SEMA3D: variants seen among roughly 807,000 people sequenced by gnomAD.
SEMA3D encodes semaphorin 3D, also known as semaphorin-3D.
Under a neutral mutation model 100.1 loss-of-function variants are expected in SEMA3D, and 84 were observed. The ratio of observed to expected loss-of-function variants is 0.84; its 90% CI spans 0.70 to 1.01. The LOEUF (loss-of-function observed/expected upper bound fraction) is 1.01, where lower values mean the gene tolerates loss of function less well. SEMA3D is among the 50% of genes least tolerant of loss of function. The pLI, the probability that SEMA3D is intolerant of heterozygous loss-of-function variation, is 0.00. For missense variants in SEMA3D, 875 were observed against 934.1 expected (o/e 0.94, Z 0.82); for synonymous variants, 312 against 320.7 (o/e 0.97, Z 0.29).
rs961644510 is a variant in SEMA3D at position 85,104,457 on chromosome 7, G to A, written c.152-6492C>T. Among the ~76,000 whole-genome samples the A allele has an allele frequency of 1.6e-4, 25 of 152,136 alleles. 1 individual carries two copies. Among genetic ancestry groups the A allele is most frequent in the Admixed American group, 1.2e-3 (18 of 15,252 alleles). Reference sequence around the variant, plus strand: ...ATTTAAGGGGAAGGATAAGGATTAGGTAATCTCTGCTCTTATTTGAAATAG... The same window carrying A: ...ATTTAAGGGGAAGGATAAGGATTAGATAATCTCTGCTCTTATTTGAAATAG... On this transcript the variant is annotated intron_variant, in intron 3 of 18. Transcript: ENST00000284136.
At chr7:85,006,230 T>G (rs1006743605) in intron 18 of SEMA3D, among the ~76,000 whole-genome samples, 1 of 151,984 alleles carries the variant, frequency 6.6e-6, no homozygotes, top group African/African-American at 2.4e-5. Context: ...CTTAGAAAAT[T>G]GGGGGCTCAG....
chr7:85,047,202 C>T (rs1432119281), intron 9 of SEMA3D, among the ~76,000 whole-genome samples: 1 of 151,658 alleles, frequency 6.6e-6, no homozygotes, highest in Non-Finnish European at 1.5e-5. Context: ...ATTTGCAATC[C>T]TTCAGCAGCT....
At chr7:85,175,704 T>C (rs1251957329) in intron 1 of SEMA3D, among the ~76,000 whole-genome samples, 1 of 152,244 alleles carries the variant, frequency 6.6e-6, no homozygotes, top group East Asian at 1.9e-4. Context: ...TCTTTCATCA[T>C]GCAGGTCATT....
intron 2 of SEMA3D, among the ~76,000 whole-genome samples, chr7:85,126,239 A>G (rs910579705): frequency 6.6e-6 from 1 of 152,164 alleles, no homozygotes; most frequent in Non-Finnish European, 1.5e-5. Context: ...ATTCATATGC[A>G]TTGGTTCCAA....
At chr7:85,090,014 C>A (rs556441393) in intron 4 of SEMA3D, among the ~76,000 whole-genome samples, 68 of 152,182 alleles carry the variant, frequency 4.5e-4, no homozygotes, top group Non-Finnish European at 7.8e-4. Flanking sequence ...AATTTAGAAC[C>A]TGTGGTCCAA....
At chr7:85,117,263 T>A (rs1015697910) in intron 3 of SEMA3D, among the ~76,000 whole-genome samples, 1 of 152,172 alleles carries the variant, frequency 6.6e-6, no homozygotes, top group Admixed American at 6.6e-5. Context: ...CTGCTACAAC[T>A]GCAGCTGTCG....
At chr7:85,140,690 G>A (rs1790022063) in intron 2 of SEMA3D, 2 of 980,592 alleles carry the variant, frequency 2.0e-6, no homozygotes, top group African/African-American at 1.7e-5. Context: ...CTGTTAAGGA[G>A]TCATTATTAA....
the SEMA3D span, among the ~76,000 whole-genome samples, chr7:85,211,932 G>A: frequency 6.6e-6 from 1 of 152,048 alleles, no homozygotes; most frequent in Admixed American, 6.6e-5. Flanking sequence ...TTAATCAATT[G>A]TTTATGTTAT....
intron 16 of SEMA3D, among the ~76,000 whole-genome samples, chr7:85,014,284 A>T (rs1267059425): frequency 6.6e-6 from 1 of 151,840 alleles, no homozygotes; most frequent in African/African-American, 2.4e-5. Flanking sequence ...ACTTTAGAAA[A>T]TAATGTTACT....
At chr7:85,047,669 G>A (rs777829415) in intron 9 of SEMA3D, among the ~76,000 whole-genome samples, 5 of 151,790 alleles carry the variant, frequency 3.3e-5, no homozygotes, top group Non-Finnish European at 5.9e-5. Flanking sequence ...TTGAAAACAA[G>A]TATTTTGTTA....
chr7:85,236,190 T>C, the SEMA3D span, among the ~76,000 whole-genome samples: 2 of 152,060 alleles, frequency 1.3e-5, no homozygotes, highest in African/African-American at 4.8e-5. Context: ...TGACACTACC[T>C]GCAACCCAAG....
At chr7:85,031,912 G>A (rs889332130) in intron 12 of SEMA3D, among the ~76,000 whole-genome samples, 1 of 151,848 alleles carries the variant, frequency 6.6e-6, no homozygotes, top group African/African-American at 2.4e-5. Flanking sequence ...AGAATGCCAG[G>A]AAATAATGTA....
chr7:85,043,227 G>A (rs541120880), intron 9 of SEMA3D, among the ~76,000 whole-genome samples: 86 of 151,952 alleles, frequency 5.7e-4, no homozygotes, highest in African/African-American at 2.0e-3. Context: ...TGTGTGGTGG[G>A]GTGTCCCTGT....
chr7:85,049,606 C>T (rs758586651), intron 9 of SEMA3D, among the ~76,000 whole-genome samples: 9 of 151,670 alleles, frequency 5.9e-5, no homozygotes, highest in African/African-American at 1.7e-4. Context: ...ATCTGTAACT[C>T]GTGGGCACTA....
the SEMA3D span, among the ~76,000 whole-genome samples, chr7:85,245,198 G>A: frequency 6.6e-6 from 1 of 152,082 alleles, no homozygotes; most frequent in Non-Finnish European, 1.5e-5. Flanking sequence ...ATTCAAAATC[G>A]TAAGGTTGGG....
chr7:85,204,883 A>G, the SEMA3D span, among the ~76,000 whole-genome samples: 188 of 152,228 alleles, frequency 1.2e-3, no homozygotes, highest in African/African-American at 4.3e-3. Context: ...ATCTTGAAAT[A>G]AACTCAGATA....
chr7:85,209,418 T>C, the SEMA3D span, among the ~76,000 whole-genome samples: 1 of 151,842 alleles, frequency 6.6e-6, no homozygotes. Context: ...AAATACTAAT[T>C]AGGCAATTGG....
intron 18 of SEMA3D, among the ~76,000 whole-genome samples, chr7:85,006,344 C>T (rs1162758224): frequency 1.3e-5 from 2 of 151,922 alleles, no homozygotes; most frequent in East Asian, 1.9e-4. Flanking sequence ...TTTAACATGT[C>T]TGGATACTTA....
At chr7:85,200,429 C>G in the SEMA3D span, among the ~76,000 whole-genome samples, 2 of 152,038 alleles carry the variant, frequency 1.3e-5, no homozygotes, top group Non-Finnish European at 2.9e-5. Flanking sequence ...TAGCAAAGAG[C>G]CTGGTAGTAT....
Sources: gnomAD v4.1 joint callset for allele counts (sites outside exome capture counted in the v4.1 genomes callset) on GRCh38, gnomAD v4.1.1 for gene constraint, MANE v1.5 for transcripts, NCBI Gene and HGNC (gene_info 2026-07-23, HGNC 2026-07-21) for gene names.